The following TNFRSF10D variants were observed in gnomAD, a reference collection of about 807,000 sequenced individuals.
TNFRSF10D encodes TNF receptor superfamily member 10d.
In TNFRSF10D, 28 loss-of-function variants were observed where a neutral mutation model predicts 42.1. That is an observed-to-expected ratio of 0.66 (90% CI 0.49 to 0.91). The LOEUF (loss-of-function observed/expected upper bound fraction) is 0.91. Ranked by LOEUF, TNFRSF10D falls within the 40% of genes least tolerant of loss-of-function variation. The pLI, the probability that TNFRSF10D is intolerant of heterozygous loss-of-function variation, is 0.00. For synonymous variants in TNFRSF10D, 186 were observed against 189.4 expected (o/e 0.98, Z 0.15); for missense variants, 503 against 486.1 (o/e 1.03, Z -0.33).
At position 23,160,079 on chromosome 8, in the gene TNFRSF10D, T is replaced by C. The variant is rs1266579228; in HGVS notation, c.150+3707A>G. Among the ~76,000 whole-genome samples, 6 of 151,940 alleles carry C rather than the reference T, an allele frequency of 3.9e-5. No homozygotes were observed. The South Asian group carries it at 1.0e-3, about 26-fold the overall frequency. On this transcript the variant is annotated intron_variant, in intron 1 of 8. Transcript: ENST00000312584. ...GCCTCTCTGGAGGAGGGGGAGGCAA[T>C]GGTGGTGAGATATCAGGCCTCCCTC...
chr8:23,160,055 C>G (rs1800343220), intron 1 of TNFRSF10D, among the ~76,000 whole-genome samples: 1 of 152,174 alleles, frequency 6.6e-6, no homozygotes, highest in African/African-American at 2.4e-5. Context: ...ACCAACACGG[C>G]CTCTCTGGAG....
At chr8:23,163,078 C>T (rs1261258763) in intron 1 of TNFRSF10D, among the ~76,000 whole-genome samples, 4 of 148,418 alleles carry the variant, frequency 2.7e-5, no homozygotes, top group East Asian at 4.0e-4. Flanking sequence ...CAGGCTGCCA[C>T]GCCTGGCTAA....
intron 2 of TNFRSF10D, among the ~76,000 whole-genome samples, chr8:23,151,275 G>A (rs368164477): frequency 9.3e-5 from 14 of 151,128 alleles, no homozygotes; most frequent in African/African-American, 2.4e-4. Context: ...AAAATTCCTT[G>A]CCAACCAAGA....
chr8:23,151,995 T>C (rs980032450), intron 2 of TNFRSF10D, among the ~76,000 whole-genome samples: 1 of 152,194 alleles, frequency 6.6e-6, no homozygotes, highest in Non-Finnish European at 1.5e-5. Flanking sequence ...TAATGCCTAA[T>C]TGGGTGTTCA....
chr8:23,161,507 G>A (rs1177633084), intron 1 of TNFRSF10D, among the ~76,000 whole-genome samples: 11 of 150,334 alleles, frequency 7.3e-5, no homozygotes, highest in East Asian at 5.8e-4. Flanking sequence ...ATTTACAGGC[G>A]TGGCAGGTGG....
intron 7 of TNFRSF10D, among the ~76,000 whole-genome samples, chr8:23,141,663 G>A (rs190668003): frequency 4.2e-3 from 639 of 151,270 alleles, no homozygotes; most frequent in African/African-American, 0.013. Context: ...CAAAAGACAT[G>A]AACACACATG....
Position 23,137,108 on chromosome 8 carries a change from G to A in TNFRSF10D, c.*762C>T, listed in dbSNP as rs1477352059. 5 of 152,150 alleles carry A rather than the reference G, an allele frequency of 3.3e-5. No homozygotes were observed. The highest frequency in any genetic ancestry group is 1.5e-5 in the Non-Finnish European group (1 of 68,044). The allele number at this position is 152,150 out of a possible 1,614,324, so 9.4% of individuals were successfully genotyped here. A position where few individuals can be genotyped will look rare whatever the true frequency, so the allele number is the denominator to read the frequency against. ...TCGGAAAAGAGATGTACAGCCTACA[G>A]TAGTAAGCAATATAAATGTTTCTCT... On this transcript the variant is annotated 3_prime_UTR_variant, in exon 9 of 9. Coordinates refer to ENST00000312584, the MANE Select transcript of TNFRSF10D (RefSeq NM_003840.5).
At position 23,148,567 on chromosome 8, in the gene TNFRSF10D, A is replaced by T; in HGVS notation, c.257-16T>A. 6.3e-7 allele frequency: 1 copy of T among 1,579,018 alleles called. No individual in the cohort carries two copies. The highest frequency in any genetic ancestry group is 8.7e-7 in the Non-Finnish European group (1 of 1,151,490). ...CTATGAGATCCTGGGAAGGGAGAGA[A>T]AAGTTAATGAATGAGTCACCACAGA... is the stretch of plus-strand genomic sequence containing the variant. On this transcript the variant is annotated splice_polypyrimidine_tract_variant and intron_variant, in intron 2 of 8. Coordinates refer to ENST00000312584, the MANE Select transcript of TNFRSF10D (RefSeq NM_003840.5).
At chr8:23,156,398 GA>G (rs1471288661) in intron 1 of TNFRSF10D, among the ~76,000 whole-genome samples, 2 of 152,054 alleles carry the variant, frequency 1.3e-5, no homozygotes, top group East Asian at 3.8e-4. Context: ...TCTTCCACAT[GA>G]AAGCCTGCCT....
At position 23,145,778 on chromosome 8, in the gene TNFRSF10D, G is replaced by A. The variant is rs865789884; in HGVS notation, c.626C>T (p.Pro209Leu). The change falls in exon 5 of 9, where the codon CCC becomes CTC. Residue 209 changes from proline (P) to leucine (L), a missense_variant. By Grantham distance (98) the Pro-to-Leu change is moderately conservative (BLOSUM62 -3). Coordinates refer to ENST00000312584, the MANE Select transcript of TNFRSF10D (RefSeq NM_003840.5). The stretch of plus-strand genomic sequence containing the variant: ...CACTATGATGATAAGGTAGTGATAG[G>A]GAGAGGCAAGCATCCCCAGGATGGT... ...VTTILGMLAS[P>L]YHYLIIIVVL... is the part of the protein sequence containing the mutation. 2 of 1,614,212 alleles carry A rather than the reference G, an allele frequency of 1.2e-6. No individual in the cohort carries two copies. The highest frequency in any genetic ancestry group is 2.2e-5 in the East Asian group (1 of 44,886).
At chr8:23,143,572 G>T (rs73546694) in intron 7 of TNFRSF10D, among the ~76,000 whole-genome samples, 1 of 151,934 alleles carries the variant, frequency 6.6e-6, no homozygotes, top group African/African-American at 2.4e-5. Flanking sequence ...AAAAAAATGG[G>T]GTATAGTTAT....
At position 23,145,095 on chromosome 8, in the gene TNFRSF10D, AAAG is replaced by A; in HGVS notation, c.737-9_737-7del. On this transcript the variant is annotated splice_region_variant and splice_polypyrimidine_tract_variant and intron_variant, in intron 5 of 8. Transcript: ENST00000312584. ...TTCGGGACCTCCTCCACCACCTGGA[AAAG>A]AAGCAGTCTCCTGAGCAGGCGGGGA... is the stretch of plus-strand genomic sequence containing the variant. The A allele has an allele frequency of 1.2e-6, 2 of 1,614,048 alleles. No individual in the cohort carries two copies. The highest frequency in any genetic ancestry group is 1.7e-6 in the Non-Finnish European group (2 of 1,179,980).
intron 1 of TNFRSF10D, 67 bp downstream of exon 1, chr8:23,163,717 CCT>C (rs1800409051): frequency 1.9e-6 from 3 of 1,564,154 alleles, no homozygotes; most frequent in South Asian, 2.4e-5. Flanking sequence ...ACCGTGTCCC[CCT>C]CTCTCCCTGC....
chr8:23,148,335 A>G (rs1563358077), intron 3 of TNFRSF10D, 103 bp downstream of exon 3: 5 of 715,406 alleles, frequency 7.0e-6, no homozygotes, highest in Non-Finnish European at 9.6e-6. Flanking sequence ...GATGAAGACT[A>G]CCAAGTTGGG....
At chr8:23,156,502 T>C (rs187967448) in intron 1 of TNFRSF10D, among the ~76,000 whole-genome samples, 70 of 152,194 alleles carry the variant, frequency 4.6e-4, no homozygotes, top group African/African-American at 1.7e-3. Context: ...CTCTGTCACC[T>C]TTCTCTGCTC....
chr8:23,162,627 C>T (rs1364072492), intron 1 of TNFRSF10D, among the ~76,000 whole-genome samples: 1 of 152,128 alleles, frequency 6.6e-6, no homozygotes, highest in African/African-American at 2.4e-5. Context: ...CTTGTGCACC[C>T]CACTACCAAT....
chr8:23,143,366 T>C (rs1800061006), intron 7 of TNFRSF10D, among the ~76,000 whole-genome samples: 1 of 147,746 alleles, frequency 6.8e-6, no homozygotes, highest in Non-Finnish European at 1.5e-5. Flanking sequence ...CAGTGGCTTA[T>C]GCCTGTAATC....
intron 2 of TNFRSF10D, among the ~76,000 whole-genome samples, chr8:23,153,515 A>G (rs937528612): frequency 2.6e-5 from 4 of 152,308 alleles, no homozygotes; most frequent in African/African-American, 9.6e-5. Flanking sequence ...AAACATCTCA[A>G]TAGTATGCAA....
At chr8:23,144,670 C>A (rs372952256) in intron 6 of TNFRSF10D, 35 bp from the exon 7 acceptor site, 1 of 1,596,746 alleles carries the variant, frequency 6.3e-7, no homozygotes, top group Non-Finnish European at 8.5e-7. Flanking sequence ...AAGTCCACAC[C>A]CCGGGCTCAG....
Sources: allele counts gnomAD v4.1 joint callset (sites outside exome capture counted in the v4.1 genomes callset), GRCh38; gene constraint gnomAD v4.1.1; transcripts MANE v1.5; gene names NCBI Gene and HGNC (gene_info 2026-07-23, HGNC 2026-07-21).